Variants in SPIDR observed in about 807,000 individuals in gnomAD.
SPIDR encodes DNA repair-scaffolding protein.
In SPIDR, 93 loss-of-function variants were observed where a neutral mutation model predicts 104.6. The ratio of observed to expected loss-of-function variants is 0.89; its 90% CI spans 0.75 to 1.06. The LOEUF (loss-of-function observed/expected upper bound fraction) is 1.06. Ranked by LOEUF, SPIDR falls within the 50% of genes least tolerant of loss-of-function variation. SPIDR has a pLI of 0.00. For missense variants in SPIDR, 1,154 were observed against 1,111.2 expected, an observed-to-expected ratio of 1.04 and a Z score of -0.55; for synonymous variants, 431 against 416.9, an observed-to-expected ratio of 1.03 and a Z score of -0.41.
intron 5 of SPIDR, among the ~76,000 whole-genome samples, chr8:47,394,702 A>G (rs2061047721): frequency 6.6e-6 from 1 of 152,198 alleles, no homozygotes; most frequent in Non-Finnish European, 1.5e-5. Flanking sequence ...CATAACAGAA[A>G]AGATGAAGTT....
intron 8 of SPIDR, among the ~76,000 whole-genome samples, chr8:47,595,125 C>A (rs10099656): frequency 0.028 from 4,223 of 152,198 alleles, 208 homozygotes; most frequent in African/African-American, 0.095. Context: ...CTTATGTTTA[C>A]TTTACATATA....
At chr8:47,324,752 A>G (rs1382892237) in intron 5 of SPIDR, among the ~76,000 whole-genome samples, 4 of 152,220 alleles carry the variant, frequency 2.6e-5, no homozygotes, top group African/African-American at 9.6e-5. Flanking sequence ...GCTTTGAGTT[A>G]GAATATCTGA....
intron 6 of SPIDR, among the ~76,000 whole-genome samples, chr8:47,400,243 C>T (rs553847882): frequency 1.3e-5 from 2 of 152,318 alleles, no homozygotes; most frequent in South Asian, 4.1e-4. Flanking sequence ...AGGTCACTGT[C>T]AGGGAGTCCT....
chr8:47,391,686 T>C (rs1479936930), intron 5 of SPIDR, among the ~76,000 whole-genome samples: 1 of 152,008 alleles, frequency 6.6e-6, no homozygotes, highest in African/African-American at 2.4e-5. Context: ...GTCTTTTGTA[T>C]AGAAATCTTC....
intron 8 of SPIDR, among the ~76,000 whole-genome samples, chr8:47,578,382 G>T (rs1358640448): frequency 6.6e-6 from 1 of 152,152 alleles, no homozygotes; most frequent in Non-Finnish European, 1.5e-5. Context: ...TGAGGCAGGA[G>T]AATGGCGTGA....
At position 47,474,180 on chromosome 8, in the gene SPIDR, A is replaced by G. The variant is rs183841935; in HGVS notation, c.1097+33638A>G. Among the ~76,000 whole-genome samples, 634 of 152,320 alleles carry G rather than the reference A, an allele frequency of 4.2e-3. 1 individual carries two copies. The highest frequency in any genetic ancestry group is 6.5e-3 in the Non-Finnish European group (444 of 68,028). On this transcript the variant is annotated intron_variant, in intron 8 of 19. Transcript: ENST00000297423. Reference sequence around the variant, plus strand: ...GAAAAATATCAAACCTGTCTGATGAATGATTGCTAAGTGGAGGTCCTGTCT... The same window carrying G: ...GAAAAATATCAAACCTGTCTGATGAGTGATTGCTAAGTGGAGGTCCTGTCT...
chr8:47,409,665 T>G (rs1286293065), intron 7 of SPIDR, among the ~76,000 whole-genome samples: 2 of 152,372 alleles, frequency 1.3e-5, no homozygotes, highest in South Asian at 2.1e-4. Flanking sequence ...TCAACTGTTA[T>G]GTTCTCAACT....
intron 8 of SPIDR, among the ~76,000 whole-genome samples, chr8:47,558,743 C>T (rs954985832): frequency 7.2e-5 from 11 of 152,062 alleles, no homozygotes; most frequent in Admixed American, 2.0e-4. Context: ...GGGTTCACAC[C>T]ATTCTCCTGC....
intron 5 of SPIDR, among the ~76,000 whole-genome samples, chr8:47,394,882 G>A (rs1369702499): frequency 6.6e-6 from 1 of 152,130 alleles, no homozygotes; most frequent in African/African-American, 2.4e-5. Context: ...CAAGTACCTG[G>A]AGTGAGTTAG....
Position 47,548,108 on chromosome 8 carries a change from T to G in SPIDR, c.1098-47703T>G, listed in dbSNP as rs546372457. On this transcript the variant is annotated intron_variant, in intron 8 of 19. Transcript: ENST00000297423. Reference sequence around the variant, plus strand: ...TGACTCATAGATATTTTGGAGTGTGTTGTTTAGTTTCCAAGTGTTTGGAAA... The same window carrying G: ...TGACTCATAGATATTTTGGAGTGTGGTGTTTAGTTTCCAAGTGTTTGGAAA... 2.0e-4 allele frequency among the ~76,000 whole-genome samples: 30 copies of G among 152,348 alleles called. No individual in the cohort carries two copies. In the South Asian group the frequency reaches 6.2e-3, roughly 32 times the overall value.
intron 2 of SPIDR, among the ~76,000 whole-genome samples, chr8:47,280,304 C>T (rs2037477612): frequency 2.0e-5 from 3 of 150,632 alleles, no homozygotes; most frequent in East Asian, 1.9e-4. Context: ...AGTACAGTGG[C>T]GCAATCATAG....
intron 11 of SPIDR, among the ~76,000 whole-genome samples, chr8:47,694,413 G>T (rs2079059461): frequency 6.6e-6 from 1 of 152,082 alleles, no homozygotes; most frequent in Non-Finnish European, 1.5e-5. Context: ...TGAGAGAGGG[G>T]AGACAATCTA....
intron 16 of SPIDR, among the ~76,000 whole-genome samples, chr8:47,715,207 C>G (rs927450173): frequency 6.6e-6 from 1 of 151,856 alleles, no homozygotes; most frequent in East Asian, 1.9e-4. Context: ...GATGGAGTCT[C>G]GCTCTGTCAC....
chr8:47,360,134 C>G (rs1329476587), intron 5 of SPIDR, among the ~76,000 whole-genome samples: 1 of 142,904 alleles, frequency 7.0e-6, no homozygotes, highest in Non-Finnish European at 1.5e-5. Context: ...CCCAGCTACT[C>G]GGGAGGCTGA....
Position 47,511,210 on chromosome 8 carries a change from A to G in SPIDR, c.1097+70668A>G. 2.5e-6 allele frequency: 4 copies of G among 1,592,502 alleles called. No individual in the cohort carries two copies. The South Asian group carries it at 3.3e-5, about 13-fold the overall frequency. ...GTTGCTGATCCTGTGGCTGTGGTTAAATTTCTGCACCAGCCTCCCACCGTC... is the reference window on the plus strand; with the variant it reads ...GTTGCTGATCCTGTGGCTGTGGTTAGATTTCTGCACCAGCCTCCCACCGTC... On this transcript the variant is annotated intron_variant, in intron 8 of 19. Coordinates refer to ENST00000297423, the MANE Select transcript of SPIDR (RefSeq NM_001080394.4).
chr8:47,512,140 G>C (rs758663122), intron 8 of SPIDR: 1 of 439,776 alleles, frequency 2.3e-6, no homozygotes, highest in Non-Finnish European at 4.2e-6. Context: ...TTGCTCCGCT[G>C]CCGTCTTCAT....
At chr8:47,451,558 G>A (rs35045730) in intron 8 of SPIDR, among the ~76,000 whole-genome samples, 73,326 of 150,472 alleles carry the variant, frequency 0.49, 21,763 homozygotes, top group Non-Finnish European at 0.66. Flanking sequence ...TCCAGCCTAG[G>A]CGACATTGTG....
chr8:47,669,697 G>A (rs769642804), intron 10 of SPIDR, among the ~76,000 whole-genome samples: 9 of 152,096 alleles, frequency 5.9e-5, no homozygotes, highest in Non-Finnish European at 1.0e-4. Flanking sequence ...CTTGACTTTT[G>A]CATAGGTTAA....
At chr8:47,320,282 C>T (rs1397082934) in intron 5 of SPIDR, among the ~76,000 whole-genome samples, 1 of 152,168 alleles carries the variant, frequency 6.6e-6, no homozygotes, top group Non-Finnish European at 1.5e-5. Context: ...ACTAATCCCA[C>T]AGAAATACAA....
Sources: allele counts gnomAD v4.1 joint callset (sites outside exome capture counted in the v4.1 genomes callset), GRCh38; gene constraint gnomAD v4.1.1; transcripts MANE v1.5; gene names NCBI Gene and HGNC (gene_info 2026-07-23, HGNC 2026-07-21).